Variants in ENTREP2 observed in about 807,000 individuals in gnomAD.
ENTREP2 encodes the protein endosomal transmembrane epsin interactor 2.
the ENTREP2 span, among the ~76,000 whole-genome samples, chr15:29,589,956 T>A: frequency 6.6e-6 from 1 of 152,206 alleles, no homozygotes; most frequent in Non-Finnish European, 1.5e-5. Flanking sequence ...CTCTCACCAT[T>A]CAGAGGTCTT....
At chr15:29,652,423 G>C in the ENTREP2 span, among the ~76,000 whole-genome samples, 2 of 152,212 alleles carry the variant, frequency 1.3e-5, no homozygotes, top group Non-Finnish European at 2.9e-5. Context: ...TGGTTGCAGG[G>C]TAAGAACTCA....
At chr15:29,583,868 C>T in the ENTREP2 span, among the ~76,000 whole-genome samples, 8 of 152,058 alleles carry the variant, frequency 5.3e-5, no homozygotes, top group African/African-American at 1.9e-4. Flanking sequence ...TTTCCTCACA[C>T]CATATACAAC....
chr15:29,622,917 C>T, the ENTREP2 span, among the ~76,000 whole-genome samples: 1 of 152,090 alleles, frequency 6.6e-6, no homozygotes, highest in Non-Finnish European at 1.5e-5. Context: ...ATGCAATGCC[C>T]CTGAACTCTG....
the ENTREP2 span, among the ~76,000 whole-genome samples, chr15:29,631,170 G>C: frequency 6.6e-6 from 1 of 152,120 alleles, no homozygotes; most frequent in Non-Finnish European, 1.5e-5. Context: ...ACTTGTTTCA[G>C]GAGTATTTGT....
At chr15:29,479,900 A>G in the ENTREP2 span, among the ~76,000 whole-genome samples, 2 of 152,148 alleles carry the variant, frequency 1.3e-5, no homozygotes, top group East Asian at 3.9e-4. Context: ...GAATGGAGCC[A>G]CAGAGAGAGG....
the ENTREP2 span, among the ~76,000 whole-genome samples, chr15:29,343,193 T>C: frequency 6.6e-6 from 1 of 152,152 alleles, no homozygotes; most frequent in East Asian, 1.9e-4. Context: ...TAGGTTATTT[T>C]ATATGTCAGC....
the ENTREP2 span, among the ~76,000 whole-genome samples, chr15:29,533,223 G>A: frequency 2.8e-4 from 42 of 152,266 alleles, no homozygotes; most frequent in East Asian, 3.9e-4. Flanking sequence ...CTTGCAGTGC[G>A]CTATGTCTAT....
At chr15:29,635,158 T>C in the ENTREP2 span, among the ~76,000 whole-genome samples, 7 of 152,116 alleles carry the variant, frequency 4.6e-5, no homozygotes, top group Non-Finnish European at 1.0e-4. Context: ...AGGGTTTTTA[T>C]GGAAGCTTCA....
At chr15:29,491,216 G>A in the ENTREP2 span, among the ~76,000 whole-genome samples, 1,349 of 152,272 alleles carry the variant, frequency 8.9e-3, 20 homozygotes, top group African/African-American at 0.031. Context: ...GCTAGCCCAC[G>A]AGCCCTGTGC....
chr15:29,156,179 TTTTTG>T, the ENTREP2 span, among the ~76,000 whole-genome samples: 1,763 of 151,812 alleles, frequency 0.012, 14 homozygotes, highest in Non-Finnish European at 0.018. Context: ...GGTGGTGGCG[TTTTTG>T]TTTTGTTTTG....
At chr15:29,273,342 G>A in the ENTREP2 span, among the ~76,000 whole-genome samples, 1 of 151,818 alleles carries the variant, frequency 6.6e-6, no homozygotes, top group Non-Finnish European at 1.5e-5. Flanking sequence ...AGGATTACAG[G>A]TGTGTACCAC....
the ENTREP2 span, among the ~76,000 whole-genome samples, chr15:29,442,763 T>G: frequency 6.6e-6 from 1 of 152,182 alleles, no homozygotes; most frequent in African/African-American, 2.4e-5. Context: ...TCTCGGGGCC[T>G]CTTAAAATGG....
chr15:29,628,003 A>C, the ENTREP2 span, among the ~76,000 whole-genome samples: 1 of 152,190 alleles, frequency 6.6e-6, no homozygotes, highest in Non-Finnish European at 1.5e-5. Context: ...TATACCCAGA[A>C]GTTAGATGAC....
the ENTREP2 span, among the ~76,000 whole-genome samples, chr15:29,294,755 C>T: frequency 0.022 from 3,342 of 152,302 alleles, 148 homozygotes; most frequent in African/African-American, 0.076. Context: ...ATTGTGCTTT[C>T]TTTTCCACAA....
the ENTREP2 span, among the ~76,000 whole-genome samples, chr15:29,556,300 C>T: frequency 6.6e-6 from 1 of 152,090 alleles, no homozygotes; most frequent in African/African-American, 2.4e-5. Flanking sequence ...TGCAATGGGT[C>T]AAGTGACAAC....
the ENTREP2 span, among the ~76,000 whole-genome samples, chr15:29,588,589 GAGGA>G: frequency 3.8e-4 from 37 of 97,998 alleles, no homozygotes; most frequent in Non-Finnish European, 5.8e-4. Context: ...GGGAGGGAGG[GAGGA>G]AGGAAGGAAG....
chr15:29,504,238 A>T, the ENTREP2 span, among the ~76,000 whole-genome samples: 1 of 152,214 alleles, frequency 6.6e-6, no homozygotes, highest in Non-Finnish European at 1.5e-5. Context: ...CACCAGAAAC[A>T]GGCTAAACGG....
the ENTREP2 span, among the ~76,000 whole-genome samples, chr15:29,286,422 A>G: frequency 6.6e-6 from 1 of 152,236 alleles, no homozygotes; most frequent in Non-Finnish European, 1.5e-5. Flanking sequence ...CATTTTCCCA[A>G]AGATGGATGC....
the ENTREP2 span, among the ~76,000 whole-genome samples, chr15:29,654,625 C>T: frequency 6.6e-6 from 1 of 152,132 alleles, no homozygotes; most frequent in African/African-American, 2.4e-5. Flanking sequence ...TGGTGAGATC[C>T]ATATCTCTAT....
Sources: gnomAD v4.1 joint callset for allele counts (sites outside exome capture counted in the v4.1 genomes callset) on GRCh38, gnomAD v4.1.1 for gene constraint, MANE v1.5 for transcripts, NCBI Gene and HGNC (gene_info 2026-07-23, HGNC 2026-07-21) for gene names.